Variants in OSBPL2 observed in about 807,000 individuals in gnomAD.
OSBPL2 encodes oxysterol-binding protein-related protein 2.
A neutral mutation model predicts 58.4 loss-of-function variants in OSBPL2; 18 were observed. The ratio of observed to expected loss-of-function variants is 0.31; its 90% CI spans 0.21 to 0.46. The LOEUF (loss-of-function observed/expected upper bound fraction) is 0.46. OSBPL2 is among the 20% of genes least tolerant of loss of function. The pLI is 1.00. For missense variants in OSBPL2, 461 were observed against 616.5 expected (o/e 0.75, Z 2.67); for synonymous variants, 221 against 234.1 (o/e 0.94, Z 0.51).
chr20:62,274,075 C>T (rs976077854), intron 6 of OSBPL2, among the ~76,000 whole-genome samples: 2 of 152,212 alleles, frequency 1.3e-5, no homozygotes, highest in African/African-American at 2.4e-5. Flanking sequence ...GTGAGACTGA[C>T]TCCAAGTCCT....
At position 62,291,741 on chromosome 20, in the gene OSBPL2, C is replaced by T; in HGVS notation, c.1288C>T (p.Gln430Ter). 6.2e-7 allele frequency: 1 copy of T among 1,613,468 alleles called. No individual in the cohort carries two copies. The change falls in exon 13 of 14, where the codon CAG (glutamine) becomes TAG (stop). Residue 430 changes from glutamine to a stop codon, truncating the protein, a stop_gained. Coordinates refer to ENST00000313733, the MANE Select transcript of OSBPL2 (RefSeq NM_144498.4). LOFTEE classifies it high-confidence loss of function. ...SQEKERLEEK[Q>*]REARRERAKE... ...GGAGAAGGAGCGGCTGGAGGAGAAGCAGAGAGAAGCACGGAGGGAGCGGGC... is the reference window on the plus strand; with the variant it reads ...GGAGAAGGAGCGGCTGGAGGAGAAGTAGAGAGAAGCACGGAGGGAGCGGGC...
chr20:62,279,147 T>C lies in OSBPL2; in HGVS notation c.492-10T>C. On this transcript the variant is annotated splice_polypyrimidine_tract_variant and intron_variant, in intron 6 of 13. Transcript: ENST00000313733. ...ATTAATGTGTCTCTCTTTTTTATTC[T>C]TTGACCTAGGGAAGATTTAGGATTC... 6.2e-7 allele frequency: 1 copy of C among 1,600,216 alleles called. No homozygotes were observed. The highest frequency in any genetic ancestry group is 8.5e-7 in the Non-Finnish European group (1 of 1,170,948).
At chr20:62,260,623 A>C (rs1981234695) in intron 3 of OSBPL2, among the ~76,000 whole-genome samples, 1 of 152,160 alleles carries the variant, frequency 6.6e-6, no homozygotes, top group Admixed American at 6.5e-5. Flanking sequence ...GCAAGACCTC[A>C]TTCCCTTTCC....
In OSBPL2 at chr20:62,272,055, C is replaced by T. The variant is rs576404881; in HGVS notation, c.259-70C>T. Reference sequence around the variant, plus strand: ...CGGCTCCATGAAGGGATGCTCAGAGCAGGGGCATCGGGCAGCCCAGCGGTG... The same window carrying T: ...CGGCTCCATGAAGGGATGCTCAGAGTAGGGGCATCGGGCAGCCCAGCGGTG... On this transcript the variant is annotated intron_variant, in intron 4 of 13. Transcript: ENST00000313733. The T allele has an allele frequency of 3.2e-6, 5 of 1,570,316 alleles. No homozygotes were observed. The East Asian group carries it at 9.0e-5, about 28-fold the overall frequency.
At chr20:62,289,641 C>T (rs184570031) in intron 12 of OSBPL2, among the ~76,000 whole-genome samples, 7 of 152,340 alleles carry the variant, frequency 4.6e-5, no homozygotes, top group East Asian at 3.9e-4. Context: ...CGGTGGCTCA[C>T]GCCTATAACC....
At chr20:62,274,505 T>C (rs1052750456) in intron 6 of OSBPL2, among the ~76,000 whole-genome samples, 2 of 152,110 alleles carry the variant, frequency 1.3e-5, no homozygotes, top group African/African-American at 4.8e-5. Context: ...AGAGCACAGT[T>C]CAGCTGCTGT....
rs572207252 is a variant in OSBPL2 at position 62,240,253 on chromosome 20, C to T, written c.-129+1656C>T. Among the ~76,000 whole-genome samples, 10 of 152,306 alleles carry T rather than the reference C, an allele frequency of 6.6e-5. No individual in the cohort carries two copies. The East Asian group carries it at 1.7e-3, about 26-fold the overall frequency. On this transcript the variant is annotated intron_variant, in intron 1 of 13. Transcript: ENST00000313733. ...GACAGGAACTTTGTCGGTGGCACTTCCTCCCTGCCCAGCCCAGTGCCTGCC... is the reference window on the plus strand; with the variant it reads ...GACAGGAACTTTGTCGGTGGCACTTTCTCCCTGCCCAGCCCAGTGCCTGCC...
At position 62,279,066 on chromosome 20, in the gene OSBPL2, G is replaced by A. The variant is rs539504536; in HGVS notation, c.492-91G>A. On this transcript the variant is annotated intron_variant, in intron 6 of 13. Transcript: ENST00000313733. ...GCATGGAGGGCCCCTGCTTCCCAGC[G>A]TCCTGTGAGGGGCTCCACATGATGT... 55 of 1,110,110 alleles carry A rather than the reference G, an allele frequency of 5.0e-5. No homozygotes were observed. In the Admixed American group the frequency reaches 6.0e-4, roughly 12 times the overall value. 68.8% of individuals were successfully genotyped at this position (1,110,110 alleles called of 1,614,324 possible). A position where few individuals can be genotyped will look rare whatever the true frequency, so the allele number is the denominator to read the frequency against.
chr20:62,242,114 T>C (rs1430426822), intron 1 of OSBPL2, among the ~76,000 whole-genome samples: 1 of 152,216 alleles, frequency 6.6e-6, no homozygotes, highest in Non-Finnish European at 1.5e-5. Flanking sequence ...TCTGCTGTCA[T>C]TTTTGCTTTT....
At chr20:62,241,007 G>A (rs1404159174) in intron 1 of OSBPL2, among the ~76,000 whole-genome samples, 1 of 152,154 alleles carries the variant, frequency 6.6e-6, no homozygotes, top group Non-Finnish European at 1.5e-5. Flanking sequence ...GAGTACACAC[G>A]TAGGACATTT....
rs1982757632 is a variant in OSBPL2, at chr20:62,281,176, C to G, written c.782+11C>G. On this transcript the variant is annotated intron_variant, in intron 8 of 13. Coordinates refer to ENST00000313733, the MANE Select transcript of OSBPL2 (RefSeq NM_144498.4). ...GATTTTAAACCACAGGTGACAGCAC[C>G]CCACCGTTGGGTGAGAGCGCGAGGC... 1 of 1,589,558 alleles carries G rather than the reference C, an allele frequency of 6.3e-7. No individual in the cohort carries two copies. The highest frequency in any genetic ancestry group is 1.3e-5 in the African/African-American group (1 of 74,558).
rs1004368984 is a variant in OSBPL2 at position 62,294,741 on chromosome 20, C to T, written c.*854C>T. The T allele has an allele frequency of 2.0e-5, 3 of 152,200 alleles. No individual in the cohort carries two copies. Among genetic ancestry groups the T allele is most frequent in the Admixed American group, 6.6e-5 (1 of 15,266 alleles). 9.4% of individuals were successfully genotyped at this position (152,200 alleles called of 1,614,324 possible). A position where few individuals can be genotyped will look rare whatever the true frequency, so the allele number is the denominator to read the frequency against. On this transcript the variant is annotated 3_prime_UTR_variant, in exon 14 of 14. Transcript: ENST00000313733. ...GGGGTTCCTTTCTTCTCACACGTCG[C>T]GTGTACCCATAGCACTCTTGTGTTT... is the stretch of plus-strand genomic sequence containing the variant.
At chr20:62,245,778 C>A (rs905365785) in intron 1 of OSBPL2, among the ~76,000 whole-genome samples, 1 of 152,326 alleles carries the variant, frequency 6.6e-6, no homozygotes, top group East Asian at 1.9e-4. Context: ...GTGCACATAC[C>A]CCTTGTTAAA....
chr20:62,293,765 C>G lies in OSBPL2; in HGVS notation c.1341-20C>G. 1 of 1,610,912 alleles carries G rather than the reference C, an allele frequency of 6.2e-7. No individual in the cohort carries two copies. The highest frequency in any genetic ancestry group is 2.2e-5 in the East Asian group (1 of 44,752). On this transcript the variant is annotated intron_variant, in intron 13 of 13. Transcript: ENST00000313733. ...TTTTGGGCTGAGCATCTTCTGACCC[C>G]CCTCCCTTGTATCCGGCAGGTGGTT...
At chr20:62,274,674 A>G (rs1046550120) in intron 6 of OSBPL2, among the ~76,000 whole-genome samples, 1 of 152,198 alleles carries the variant, frequency 6.6e-6, no homozygotes, top group African/African-American at 2.4e-5. Context: ...TCTGACTGTC[A>G]GTGGAGCCCA....
chr20:62,253,120 G>A (rs937312950), intron 1 of OSBPL2, among the ~76,000 whole-genome samples: 10 of 152,274 alleles, frequency 6.6e-5, no homozygotes, highest in South Asian at 2.1e-4. Flanking sequence ...ACCCAAGGCC[G>A]TCTCTCGGGG....
chr20:62,240,072 C>T (rs1352993632), intron 1 of OSBPL2, among the ~76,000 whole-genome samples: 1 of 152,120 alleles, frequency 6.6e-6, no homozygotes, highest in Admixed American at 6.5e-5. Flanking sequence ...AGGCTGGTCT[C>T]GAACTCCTAA....
Position 62,291,767 on chromosome 20 carries a change from C to A in OSBPL2, c.1314C>A (p.Ala438=). 3.1e-6 allele frequency: 5 copies of A among 1,608,164 alleles called. No homozygotes were observed. Among genetic ancestry groups the A allele is most frequent in the Non-Finnish European group, 4.2e-6 (5 of 1,178,364 alleles). Residue 438 remains alanine, a synonymous_variant, in exon 13 of 14, where the codon GCC becomes GCA. Coordinates refer to ENST00000313733, the MANE Select transcript of OSBPL2 (RefSeq NM_144498.4). The stretch of plus-strand genomic sequence containing the variant: ...AGAGAGAAGCACGGAGGGAGCGGGC[C>A]AAGGAGGAGGCAGAGTGGCAGACGA... The part of the protein sequence containing the change: ...EKQREARRER[A]KEEAEWQTRW...
chr20:62,281,332 G>T (rs1222840497), intron 8 of OSBPL2, 167 bp downstream of exon 8: 3 of 589,220 alleles, frequency 5.1e-6, no homozygotes, highest in East Asian at 2.8e-5. Flanking sequence ...GACTCTGACC[G>T]GTGTTGGCCA....
Sources: gnomAD v4.1 joint callset for allele counts (sites outside exome capture counted in the v4.1 genomes callset) on GRCh38, gnomAD v4.1.1 for gene constraint, MANE v1.5 for transcripts, NCBI Gene and HGNC (gene_info 2026-07-23, HGNC 2026-07-21) for gene names.